COL5A2: variants seen among roughly 807,000 people sequenced by gnomAD.
COL5A2 encodes the protein collagen alpha-2(V) chain.
Under a neutral mutation model 208.2 loss-of-function variants are expected in COL5A2, and 23 were observed. That is an observed-to-expected ratio of 0.11 (90% CI 0.08 to 0.16). COL5A2 has a LOEUF of 0.16. COL5A2 is among the 10% of genes least tolerant of loss of function. The probability of loss-of-function intolerance (pLI) is 1.00; values close to 1 mark genes in which losing one functional copy is unlikely to be tolerated. For synonymous variants in COL5A2, 625 were observed against 628.5 expected (o/e 0.99, Z 0.08); for missense variants, 1,590 against 1,956.4 (o/e 0.81, Z 3.53).
chr2:189,433,665 G>C, the COL5A2 span, among the ~76,000 whole-genome samples: 1 of 152,074 alleles, frequency 6.6e-6, no homozygotes, highest in Non-Finnish European at 1.5e-5. Flanking sequence ...ACCAATAACA[G>C]GCTCTGAAAT....
the COL5A2 span, among the ~76,000 whole-genome samples, chr2:189,335,700 A>C: frequency 1.7e-4 from 26 of 152,134 alleles, no homozygotes; most frequent in Non-Finnish European, 3.4e-4. Context: ...AGCTGTCCAG[A>C]ATAGGCAATT....
rs1685347202 is a variant in COL5A2, at chr2:189,032,087, T to C, written c.*1983A>G. ...CAAAACTCACACATGTATTTAGGCA[T>C]ATAAATACTCAAATTTAAGATATAC... On this transcript the variant is annotated 3_prime_UTR_variant, in exon 54 of 54. Transcript: ENST00000374866. 6.6e-6 allele frequency: 1 copy of C among 152,136 alleles called. No homozygotes were observed. Among genetic ancestry groups the C allele is most frequent in the South Asian group, 2.1e-4 (1 of 4,830 alleles). The allele number at this position is 152,136 out of a possible 1,614,324, so 9.4% of individuals were successfully genotyped here.
At chr2:189,110,183 G>A (rs1441366135) in intron 2 of COL5A2, 42 bp downstream of exon 2, 6 of 1,343,036 alleles carry the variant, frequency 4.5e-6, no homozygotes, top group East Asian at 2.3e-5. Context: ...CTATAAAGGT[G>A]AGTAACTGGA....
chr2:189,185,198 T>C (rs1688835330), intron 1 of COL5A2, among the ~76,000 whole-genome samples: 2 of 152,092 alleles, frequency 1.3e-5, no homozygotes, highest in South Asian at 4.1e-4. Flanking sequence ...TAATTTATTG[T>C]ATCTTTAGTA....
chr2:189,357,660 G>A, the COL5A2 span, among the ~76,000 whole-genome samples: 30,439 of 151,718 alleles, frequency 0.2, 3,271 homozygotes, highest in South Asian at 0.26. Flanking sequence ...GCTCATGGGG[G>A]TGGGAACTGC....
At chr2:189,113,860 G>A (rs1318283219) in intron 1 of COL5A2, among the ~76,000 whole-genome samples, 2 of 151,888 alleles carry the variant, frequency 1.3e-5, no homozygotes, top group African/African-American at 2.4e-5. Flanking sequence ...TAAAATATGT[G>A]AGGAACTCTT....
At chr2:189,108,485 T>G (rs1357735345) in intron 2 of COL5A2, among the ~76,000 whole-genome samples, 1 of 151,874 alleles carries the variant, frequency 6.6e-6, no homozygotes, top group Non-Finnish European at 1.5e-5. Flanking sequence ...TCTTAACAAC[T>G]TTTCCCTTGA....
the COL5A2 span, among the ~76,000 whole-genome samples, chr2:189,303,715 GACTGCTGAATGTTCAA>G: frequency 6.6e-6 from 1 of 152,168 alleles, no homozygotes; most frequent in Non-Finnish European, 1.5e-5. Context: ...ACCACTCATA[GACTGCTGAATGTTCAA>G]ACTGTGTTCA....
chr2:189,159,548 G>C (rs1688318220), intron 1 of COL5A2, among the ~76,000 whole-genome samples: 1 of 152,132 alleles, frequency 6.6e-6, no homozygotes, highest in African/African-American at 2.4e-5. Flanking sequence ...TTTGGCTCTT[G>C]CACTGTCACA....
At chr2:189,186,712 A>G (rs1559141023) in intron 1 of COL5A2, among the ~76,000 whole-genome samples, 1 of 152,210 alleles carries the variant, frequency 6.6e-6, no homozygotes, top group African/African-American at 2.4e-5. Context: ...AAAAATTACA[A>G]TATTGGGAGA....
At chr2:189,102,618 C>T (rs1359092836) in intron 3 of COL5A2, among the ~76,000 whole-genome samples, 1 of 151,966 alleles carries the variant, frequency 6.6e-6, no homozygotes, top group Admixed American at 6.6e-5. Flanking sequence ...TCATTTAATA[C>T]CATGTGGACA....
At chr2:189,101,743 A>C (rs1403287546) in intron 3 of COL5A2, among the ~76,000 whole-genome samples, 1 of 152,060 alleles carries the variant, frequency 6.6e-6, no homozygotes. Flanking sequence ...TCTAATGTTG[A>C]AGCAGCGAAT....
chr2:189,320,864 T>C, the COL5A2 span, among the ~76,000 whole-genome samples: 16 of 152,056 alleles, frequency 1.1e-4, no homozygotes, highest in Admixed American at 1.0e-3. Context: ...CACATAATTG[T>C]CAGATTCACC....
intron 1 of COL5A2, among the ~76,000 whole-genome samples, chr2:189,211,114 G>A (rs896237457): frequency 6.6e-6 from 1 of 152,124 alleles, no homozygotes; most frequent in Admixed American, 6.5e-5. Context: ...TCATATAAGC[G>A]AAAGACGTGG....
At chr2:189,236,015 A>G in the COL5A2 span, among the ~76,000 whole-genome samples, 4 of 151,300 alleles carry the variant, frequency 2.6e-5, no homozygotes, top group Non-Finnish European at 5.9e-5. Context: ...AAAAAAAAAA[A>G]CACCTGAACA....
chr2:189,162,721 C>T (rs2105805172), intron 1 of COL5A2, among the ~76,000 whole-genome samples: 1 of 152,012 alleles, frequency 6.6e-6, no homozygotes, highest in South Asian at 2.1e-4. Flanking sequence ...ACTTGAATTC[C>T]ACACACACAC....
At chr2:189,179,414 A>G in intron 1 of COL5A2, 94 bp downstream of exon 1, 1 of 1,420,954 alleles carries the variant, frequency 7.0e-7, no homozygotes, top group Non-Finnish European at 9.7e-7. Context: ...TTCAAACCAG[A>G]ACCTCCTCTT....
At chr2:189,258,776 G>A in the COL5A2 span, among the ~76,000 whole-genome samples, 1 of 152,060 alleles carries the variant, frequency 6.6e-6, no homozygotes, top group Non-Finnish European at 1.5e-5. Context: ...AAGCCACGTC[G>A]CCAGAGAGCA....
intron 24 of COL5A2, 106 bp downstream of exon 24, chr2:189,064,898 T>C (rs565706688): frequency 3.1e-5 from 34 of 1,107,546 alleles, no homozygotes; most frequent in African/African-American, 4.6e-5. Flanking sequence ...TCCATCTCCT[T>C]TCTGGATCTG....
Sources: gnomAD v4.1 joint callset for allele counts (sites outside exome capture counted in the v4.1 genomes callset) on GRCh38, gnomAD v4.1.1 for gene constraint, MANE v1.5 for transcripts, NCBI Gene and HGNC (gene_info 2026-07-23, HGNC 2026-07-21) for gene names.